The following RBFOX1 variants were observed in gnomAD, a reference collection of about 807,000 sequenced individuals.
The protein encoded by RBFOX1 is RNA binding fox-1 homolog 1.
RBFOX1 carries 8 observed loss-of-function variants against 57.7 expected under a neutral mutation model. The observed-to-expected ratio is 0.14, with a 90% CI of 0.08 to 0.25. The LOEUF (loss-of-function observed/expected upper bound fraction) is 0.25, where lower values mean the gene tolerates loss of function less well. Among genes scored for constraint, RBFOX1 ranks in the 10% least tolerant of loss-of-function variants. The pLI, the probability that RBFOX1 is intolerant of heterozygous loss-of-function variation, is 1.00. For synonymous variants in RBFOX1, 326 were observed against 222.4 expected (o/e 1.47, Z -4.15); for missense variants, 611 against 548.5 (o/e 1.11, Z -1.14).
chr16:5,285,561 C>T (rs944940932), intron 1 of RBFOX1, among the ~76,000 whole-genome samples: 5 of 152,166 alleles, frequency 3.3e-5, no homozygotes, highest in Non-Finnish European at 5.9e-5. Flanking sequence ...ATCTGTGCCT[C>T]TGACATAACC....
intron 4 of RBFOX1, among the ~76,000 whole-genome samples, chr16:7,277,803 A>G (rs1354990998): frequency 6.6e-6 from 1 of 152,222 alleles, no homozygotes; most frequent in African/African-American, 2.4e-5. Flanking sequence ...AGTTAAAATG[A>G]AATTAGCATA....
chr16:6,734,950 G>A (rs2069721984), intron 3 of RBFOX1, among the ~76,000 whole-genome samples: 1 of 152,108 alleles, frequency 6.6e-6, no homozygotes, highest in Admixed American at 6.5e-5. Context: ...GACTGGCATG[G>A]GCAACACAGT....
At chr16:7,265,720 A>G (rs1454242338) in intron 4 of RBFOX1, among the ~76,000 whole-genome samples, 1 of 152,198 alleles carries the variant, frequency 6.6e-6, no homozygotes, top group East Asian at 1.9e-4. Context: ...GTGTGCTGGG[A>G]TTATAGGCGT....
intron 3 of RBFOX1, among the ~76,000 whole-genome samples, chr16:6,735,591 T>C (rs1387184546): frequency 2.6e-5 from 4 of 152,222 alleles, no homozygotes; most frequent in Non-Finnish European, 5.9e-5. Context: ...TTATGTCCCA[T>C]TGCATGGCTA....
At chr16:5,774,053 A>G (rs574224837) in intron 3 of RBFOX1, among the ~76,000 whole-genome samples, 1 of 152,306 alleles carries the variant, frequency 6.6e-6, no homozygotes, top group South Asian at 2.1e-4. Flanking sequence ...ATAGTCATTT[A>G]CATTCCCACC....
intron 3 of RBFOX1, among the ~76,000 whole-genome samples, chr16:7,045,324 A>G (rs906297087): frequency 6.6e-6 from 1 of 152,230 alleles, no homozygotes; most frequent in African/African-American, 2.4e-5. Flanking sequence ...AAGCAAAATA[A>G]TATGGGATGC....
intron 1 of RBFOX1, among the ~76,000 whole-genome samples, chr16:5,438,561 G>C (rs967779450): frequency 2.0e-5 from 3 of 152,132 alleles, no homozygotes; most frequent in East Asian, 3.9e-4. Flanking sequence ...CACCCAGCTA[G>C]TTCTCCTATT....
chr16:6,106,690 C>T (rs540881078), intron 1 of RBFOX1, among the ~76,000 whole-genome samples: 43 of 151,896 alleles, frequency 2.8e-4, no homozygotes, highest in Non-Finnish European at 3.7e-4. Context: ...TTTTTTGAGA[C>T]GGAGTGTCGC....
chr16:6,725,051 TTTTTTTC>T (rs1187492806), intron 3 of RBFOX1, among the ~76,000 whole-genome samples: 4 of 49,692 alleles, frequency 8.0e-5, no homozygotes, highest in Admixed American at 3.2e-4. Context: ...GCTTTTTTTT[TTTTTTTC>T]TTTTTTTTTT....
At chr16:5,625,780 A>G (rs1006441475) in intron 3 of RBFOX1, among the ~76,000 whole-genome samples, 3 of 151,484 alleles carry the variant, frequency 2.0e-5, no homozygotes, top group South Asian at 2.1e-4. Flanking sequence ...CTGGTTTCAA[A>G]CTCCTGACCT....
At chr16:6,135,573 G>A (rs897945334) in intron 1 of RBFOX1, among the ~76,000 whole-genome samples, 2 of 151,764 alleles carry the variant, frequency 1.3e-5, no homozygotes, top group African/African-American at 4.8e-5. Flanking sequence ...TGAAAACATT[G>A]GTCTGTTTAT....
At chr16:5,588,481 C>A (rs755686605) in intron 2 of RBFOX1, among the ~76,000 whole-genome samples, 6 of 152,212 alleles carry the variant, frequency 3.9e-5, no homozygotes, top group Middle Eastern at 3.4e-3. Context: ...AATTAAGTAG[C>A]ATTCTGCTTT....
chr16:6,601,179 C>T (rs1335993492), intron 2 of RBFOX1, among the ~76,000 whole-genome samples: 1 of 152,112 alleles, frequency 6.6e-6, no homozygotes, highest in Non-Finnish European at 1.5e-5. Context: ...AGATATCCAA[C>T]TTAGTACTTG....
At chr16:5,322,517 A>C (rs1280865055) in intron 1 of RBFOX1, among the ~76,000 whole-genome samples, 1 of 152,102 alleles carries the variant, frequency 6.6e-6, no homozygotes, top group Non-Finnish European at 1.5e-5. Flanking sequence ...CTTGGGGATC[A>C]TCTTCTTTAA....
In RBFOX1 at chr16:7,122,670, C is replaced by G. The variant is rs553124839; in HGVS notation, c.27+70572C>G. 3.3e-5 allele frequency among the ~76,000 whole-genome samples: 5 copies of G among 152,166 alleles called. No individual in the cohort carries two copies. In the East Asian group the frequency reaches 9.7e-4, roughly 29 times the overall value. On this transcript the variant is annotated intron_variant, in intron 4 of 15. Coordinates refer to ENST00000550418, the MANE Select transcript of RBFOX1 (RefSeq NM_018723.4). ...CTTAAAACATTTTGACAGTCCGTTACAAAGTTAAGTATATGCTTATCATAG... is the reference window on the plus strand; with the variant it reads ...CTTAAAACATTTTGACAGTCCGTTAGAAAGTTAAGTATATGCTTATCATAG...
At chr16:5,643,741 T>G (rs865981123) in intron 3 of RBFOX1, among the ~76,000 whole-genome samples, 1 of 152,174 alleles carries the variant, frequency 6.6e-6, no homozygotes, top group Admixed American at 6.5e-5. Flanking sequence ...TTTTACTGAT[T>G]TGAGAGTCAC....
intron 3 of RBFOX1, among the ~76,000 whole-genome samples, chr16:6,852,619 G>T (rs1438154568): frequency 6.6e-6 from 1 of 152,128 alleles, no homozygotes; most frequent in Non-Finnish European, 1.5e-5. Context: ...TGCATGCTGG[G>T]AACTAGCTGT....
chr16:6,675,529 T>G (rs1244249608), intron 3 of RBFOX1, among the ~76,000 whole-genome samples: 1 of 152,190 alleles, frequency 6.6e-6, no homozygotes, highest in African/African-American at 2.4e-5. Flanking sequence ...AACCAGGCCC[T>G]GCCACAGTAG....
intron 4 of RBFOX1, among the ~76,000 whole-genome samples, chr16:7,102,052 C>A (rs952595433): frequency 6.6e-6 from 1 of 152,206 alleles, no homozygotes; most frequent in African/African-American, 2.4e-5. Flanking sequence ...CCATGCTGGG[C>A]TGGCCCCACC....
Sources: allele counts gnomAD v4.1 joint callset (sites outside exome capture counted in the v4.1 genomes callset), GRCh38; gene constraint gnomAD v4.1.1; transcripts MANE v1.5; gene names NCBI Gene and HGNC (gene_info 2026-07-23, HGNC 2026-07-21).